PTPRN2: variants seen among roughly 807,000 people sequenced by gnomAD.
The protein encoded by PTPRN2 is protein tyrosine phosphatase receptor type N2.
In PTPRN2, 74 loss-of-function variants were observed where a neutral mutation model predicts 118.8. That is an observed-to-expected ratio of 0.62 (90% CI 0.52 to 0.76). The LOEUF (loss-of-function observed/expected upper bound fraction) is 0.76, where lower values mean the gene tolerates loss of function less well. Ranked by LOEUF, PTPRN2 falls within the 30% of genes least tolerant of loss-of-function variation. The pLI is 0.00. For synonymous variants in PTPRN2, 641 were observed against 608.0 expected, an observed-to-expected ratio of 1.05 and a Z score of -0.80; for missense variants, 1,481 against 1,394.4, an observed-to-expected ratio of 1.06 and a Z score of -0.99.
chr7:158,285,480 C>G (rs1476645497), intron 3 of PTPRN2, among the ~76,000 whole-genome samples: 4 of 152,188 alleles, frequency 2.6e-5, no homozygotes, highest in African/African-American at 9.6e-5. Flanking sequence ...GCGCTCAGGT[C>G]CTCCTCCATC....
intron 6 of PTPRN2, among the ~76,000 whole-genome samples, chr7:158,141,661 C>G (rs932341022): frequency 2.6e-5 from 4 of 152,182 alleles, no homozygotes; most frequent in Non-Finnish European, 4.4e-5. Context: ...TGAACACTCT[C>G]TGCTGCACCC....
rs1311121931 is a variant in PTPRN2 at position 157,632,234 on chromosome 7, A to T, written c.2197-10725T>A. ...ACTTCCTGGAGTCCACAGCCGGCCC[A>T]GTCTCTGCCTCACCTCTAGAAGGAC... On this transcript the variant is annotated intron_variant, in intron 14 of 22. Transcript: ENST00000389418. The surrounding 1 kb of genome is among the most constrained non-coding windows in gnomAD (Gnocchi z 4.3). 2.0e-5 allele frequency among the ~76,000 whole-genome samples: 3 copies of T among 152,222 alleles called. No homozygotes were observed. The highest frequency in any genetic ancestry group is 7.2e-5 in the African/African-American group (3 of 41,464).
intron 12 of PTPRN2, among the ~76,000 whole-genome samples, chr7:157,726,458 C>G (rs966686876): frequency 7.2e-5 from 11 of 152,262 alleles, no homozygotes; most frequent in Non-Finnish European, 1.5e-4. Context: ...AGACCGTCAC[C>G]TCCCACCCGA....
At chr7:158,584,561 A>C (rs1828816186) in intron 1 of PTPRN2, among the ~76,000 whole-genome samples, 1 of 152,176 alleles carries the variant, frequency 6.6e-6, no homozygotes, top group Admixed American at 6.5e-5. Context: ...CAGCTTCGAT[A>C]ATGGTCTCAC....
At chr7:158,345,040 G>A (rs1048383934) in intron 2 of PTPRN2, among the ~76,000 whole-genome samples, 8 of 152,188 alleles carry the variant, frequency 5.3e-5, no homozygotes, top group East Asian at 1.9e-4. Context: ...CGCAGTGGGC[G>A]GGAGAAATTC....
rs375456988 is a variant in PTPRN2, at chr7:158,331,226, T to C, written c.164-14294A>G. Among the ~76,000 whole-genome samples the C allele has an allele frequency of 1.3e-3, 185 of 144,046 alleles. 1 individual carries two copies. Among genetic ancestry groups the C allele is most frequent in the Non-Finnish European group, 1.8e-3 (117 of 65,322 alleles). The allele number at this position is 144,046 out of a possible 152,430, so 94.5% of individuals were successfully genotyped here. ...ACACCCACACTCTCACCATAAGAGC[T>C]GACGCCCGCAGACGTCACTCACACC... On this transcript the variant is annotated intron_variant, in intron 2 of 22. Transcript: ENST00000389418.
At chr7:158,080,314 C>CAAAAA (rs556546951) in intron 11 of PTPRN2, among the ~76,000 whole-genome samples, 6 of 72,190 alleles carry the variant, frequency 8.3e-5, no homozygotes, top group Non-Finnish European at 1.2e-4. Context: ...CAAATTTAAG[C>CAAAAA]AAAAAAAAAA....
At chr7:158,149,049 A>G (rs1820568160) in intron 6 of PTPRN2, among the ~76,000 whole-genome samples, 1 of 109,848 alleles carries the variant, frequency 9.1e-6, no homozygotes, top group Non-Finnish European at 1.9e-5. Context: ...TCTCACTGAC[A>G]CCCCATCTCA....
At chr7:157,573,148 G>A (rs1041414596) in intron 19 of PTPRN2, among the ~76,000 whole-genome samples, 3 of 152,242 alleles carry the variant, frequency 2.0e-5, no homozygotes, top group Non-Finnish European at 4.4e-5. Context: ...CCTCAGGGGT[G>A]CACCCCAGCA....
chr7:157,569,097 G>A (rs983103444), intron 20 of PTPRN2, 131 bp from the exon 21 acceptor site: 13 of 877,322 alleles, frequency 1.5e-5, no homozygotes, highest in East Asian at 9.9e-5. Context: ...GGATGTGAGA[G>A]GGGGAGGAAG....
At chr7:157,842,295 C>T (rs1287564473) in intron 12 of PTPRN2, among the ~76,000 whole-genome samples, 1 of 152,058 alleles carries the variant, frequency 6.6e-6, no homozygotes, top group Non-Finnish European at 1.5e-5. Flanking sequence ...TCCACCTGAC[C>T]ATCTCTTGAT....
At chr7:157,937,242 A>C (rs1275590185) in intron 11 of PTPRN2, among the ~76,000 whole-genome samples, 1 of 152,234 alleles carries the variant, frequency 6.6e-6, no homozygotes, top group East Asian at 1.9e-4. Context: ...TGGCACACAT[A>C]GGTGAGTAAA....
intron 12 of PTPRN2, among the ~76,000 whole-genome samples, chr7:157,723,580 T>C (rs13234872): frequency 0.75 from 114,231 of 152,154 alleles, 43,173 homozygotes; most frequent in African/African-American, 0.83. Flanking sequence ...CCTCATGCTC[T>C]TCACCCATCC....
At chr7:158,153,669 C>A (rs1821417425) in intron 6 of PTPRN2, among the ~76,000 whole-genome samples, 1 of 152,188 alleles carries the variant, frequency 6.6e-6, no homozygotes, top group Non-Finnish European at 1.5e-5. Flanking sequence ...TATGCAGGGT[C>A]TTGCAGACCA....
chr7:158,028,641 A>C (rs1375065002), intron 11 of PTPRN2: 1 of 152,298 alleles, frequency 6.6e-6, no homozygotes, highest in Non-Finnish European at 1.5e-5. Context: ...CCACCTGGAG[A>C]AAGTAAATAT....
chr7:158,026,795 G>A (rs747876797), intron 11 of PTPRN2, among the ~76,000 whole-genome samples: 5 of 152,126 alleles, frequency 3.3e-5, no homozygotes, highest in African/African-American at 7.2e-5. Flanking sequence ...CACGTATACC[G>A]TGACAGGTCA....
At position 158,529,677 on chromosome 7, in the gene PTPRN2, C is replaced by T. The variant is rs905149494; in HGVS notation, c.113-39892G>A. Among the ~76,000 whole-genome samples, 1 of 152,168 alleles carries T rather than the reference C, an allele frequency of 6.6e-6. No homozygotes were observed. Among genetic ancestry groups the T allele is most frequent in the African/African-American group, 2.4e-5 (1 of 41,428 alleles). On this transcript the variant is annotated intron_variant, in intron 1 of 22. Transcript: ENST00000389418. This position sits in a 1 kb window ranked among gnomAD's most constrained non-coding sequence, Gnocchi z 4.7. Reference sequence around the variant, plus strand: ...GCAGCTTCCCTCTGCGGACACAGCACACACTCACCACACCTGGGCTGTGTC... The same window carrying T: ...GCAGCTTCCCTCTGCGGACACAGCATACACTCACCACACCTGGGCTGTGTC...
intron 2 of PTPRN2, among the ~76,000 whole-genome samples, chr7:158,330,757 C>T (rs1364427845): frequency 8.6e-6 from 1 of 116,188 alleles, no homozygotes; most frequent in African/African-American, 2.9e-5. Flanking sequence ...ACACTCTCAC[C>T]ATAAGAGCTG....
chr7:157,614,212 T>C, intron 15 of PTPRN2: 1 of 432,598 alleles, frequency 2.3e-6, no homozygotes, highest in South Asian at 1.7e-5. Flanking sequence ...TTGAAGTCTG[T>C]GGCCCGTGGC....
Sources: allele counts gnomAD v4.1 joint callset (sites outside exome capture counted in the v4.1 genomes callset), GRCh38; gene constraint gnomAD v4.1.1; non-coding constraint Gnocchi (gnomAD v3.1); transcripts MANE v1.5; gene names NCBI Gene and HGNC (gene_info 2026-07-23, HGNC 2026-07-21).